Variants in KDR observed in about 807,000 individuals in gnomAD.
KDR encodes vascular endothelial growth factor receptor 2.
A neutral mutation model predicts 160.9 loss-of-function variants in KDR; 43 were observed. The ratio of observed to expected loss-of-function variants is 0.27; its 90% CI spans 0.21 to 0.34. The LOEUF is 0.34. Ranked by LOEUF, KDR falls within the 10% of genes least tolerant of loss-of-function variation. The pLI, the probability that KDR is intolerant of heterozygous loss-of-function variation, is 1.00. For missense variants in KDR, 1,469 were observed against 1,666.4 expected (o/e 0.88, Z 2.06); for synonymous variants, 617 against 600.1 (o/e 1.03, Z -0.41).
chr4:55,081,665 AC>A (rs758267334), intron 29 of KDR, among the ~76,000 whole-genome samples: 1 of 152,146 alleles, frequency 6.6e-6, no homozygotes, highest in Non-Finnish European at 1.5e-5. Flanking sequence ...ACATCCAATC[AC>A]CTTTTTCATT....
chr4:55,106,181 T>G (rs1720441952), intron 11 of KDR, among the ~76,000 whole-genome samples: 1 of 152,176 alleles, frequency 6.6e-6, no homozygotes, highest in Non-Finnish European at 1.5e-5. Context: ...TTGCATTGTA[T>G]ACTTACCAGT....
chr4:55,082,516 T>A lies in KDR; in HGVS notation c.3762+20A>T. On this transcript the variant is annotated intron_variant, in intron 28 of 29. Transcript: ENST00000263923. ...ATCCTTTGTATTATTTCTAAGACTATTTTTAAAAGACGTACTTACATCTGG... is the reference window on the plus strand; with the variant it reads ...ATCCTTTGTATTATTTCTAAGACTAATTTTAAAAGACGTACTTACATCTGG... 4 of 1,517,038 alleles carry A rather than the reference T, an allele frequency of 2.6e-6. No individual in the cohort carries two copies. The highest frequency in any genetic ancestry group is 3.7e-6 in the Non-Finnish European group (4 of 1,091,806). 94.0% of individuals were successfully genotyped at this position (1,517,038 alleles called of 1,614,324 possible). A position where few individuals can be genotyped will look rare whatever the true frequency, so the allele number is the denominator to read the frequency against.
At chr4:55,116,346 G>T (rs1398413976) in intron 3 of KDR, among the ~76,000 whole-genome samples, 4 of 151,570 alleles carry the variant, frequency 2.6e-5, no homozygotes, top group African/African-American at 9.7e-5. Flanking sequence ...TGAACCGGGG[G>T]GCAGAAGTTG....
At chr4:55,091,148 T>C (rs11940163) in intron 22 of KDR, among the ~76,000 whole-genome samples, 58,086 of 151,924 alleles carry the variant, frequency 0.38, 11,440 homozygotes, top group African/African-American at 0.49. Context: ...CCAACACACC[T>C]GGCCAAAAGG....
chr4:55,095,791 T>C (rs1221313412), intron 19 of KDR, 126 bp from the exon 20 acceptor site: 1 of 728,292 alleles, frequency 1.4e-6, no homozygotes, highest in Non-Finnish European at 2.5e-6. Flanking sequence ...GACAGGAGTG[T>C]AGAAATCAGC....
At chr4:55,119,139 G>A (rs1036151095) in intron 2 of KDR, among the ~76,000 whole-genome samples, 3 of 151,934 alleles carry the variant, frequency 2.0e-5, no homozygotes, top group African/African-American at 7.2e-5. Flanking sequence ...AACCCGGGAG[G>A]TGGAGGTTGC....
At chr4:55,105,774 T>C (rs1055714827) in intron 12 of KDR, 58 bp downstream of exon 12, 11 of 1,029,588 alleles carry the variant, frequency 1.1e-5, no homozygotes, top group African/African-American at 1.6e-5. Context: ...GGGAATTACA[T>C]AGCTTAGTAC....
At chr4:55,085,377 A>G (rs1227706194) in intron 27 of KDR, among the ~76,000 whole-genome samples, 1 of 152,226 alleles carries the variant, frequency 6.6e-6, no homozygotes, top group East Asian at 1.9e-4. Flanking sequence ...TCCCACAGTG[A>G]TATCTCTGTC....
chr4:55,114,017 A>G (rs1203066670), intron 6 of KDR, 109 bp downstream of exon 6: 5 of 1,109,880 alleles, frequency 4.5e-6, no homozygotes, highest in East Asian at 2.3e-5. Flanking sequence ...GTGTGTGTTT[A>G]AGGCTCTTAC....
intron 1 of KDR, among the ~76,000 whole-genome samples, chr4:55,123,579 C>A (rs1365876024): frequency 3.3e-5 from 5 of 152,212 alleles, no homozygotes; most frequent in Non-Finnish European, 5.9e-5. Context: ...ACTTCAAATT[C>A]ATATTTGTAG....
intron 15 of KDR, 118 bp downstream of exon 15, chr4:55,101,779 G>A (rs184626194): frequency 2.9e-5 from 25 of 858,066 alleles, no homozygotes; most frequent in Admixed American, 1.8e-4. Context: ...TTAGTTTGCT[G>A]AGGATAATGG....
chr4:55,099,280 A>G (rs1720251227), intron 15 of KDR, among the ~76,000 whole-genome samples: 1 of 152,176 alleles, frequency 6.6e-6, no homozygotes, highest in African/African-American at 2.4e-5. Flanking sequence ...TTGGCCTCCC[A>G]AAGTGCAGGG....
intron 1 of KDR, among the ~76,000 whole-genome samples, chr4:55,122,372 T>A (rs1551639): frequency 0.99 from 150,957 of 152,326 alleles, 74,809 homozygotes; most frequent in Middle Eastern, 1. Context: ...TTGGGCAGGC[T>A]CCCAAGCTTT....
intron 17 of KDR, 41 bp downstream of exon 17, chr4:55,098,096 T>C (rs927366072): frequency 1.9e-6 from 3 of 1,611,594 alleles, no homozygotes; most frequent in Non-Finnish European, 2.5e-6. Flanking sequence ...AGAGATGGCC[T>C]GGTAAACACA....
chr4:55,081,270 G>A (rs1475243628), intron 29 of KDR, among the ~76,000 whole-genome samples: 1 of 151,910 alleles, frequency 6.6e-6, no homozygotes, highest in Non-Finnish European at 1.5e-5. Flanking sequence ...ATTATAAGCA[G>A]ATCAAAACCT....
At chr4:55,096,648 C>A (rs1720164531) in intron 18 of KDR, 2 of 412,388 alleles carry the variant, frequency 4.8e-6, no homozygotes, top group Admixed American at 3.8e-5. Context: ...TTCTGCAAAA[C>A]TGGATTTTTG....
At chr4:55,098,094 C>T (rs1720206528) in intron 17 of KDR, 43 bp downstream of exon 17, 1 of 1,610,646 alleles carries the variant, frequency 6.2e-7, no homozygotes, top group Non-Finnish European at 8.5e-7. Flanking sequence ...GAAGAGATGG[C>T]CTGGTAAACA....
At chr4:55,089,121 AC>A (rs1578127954) in intron 25 of KDR, 148 bp from the exon 26 acceptor site, 1 of 731,352 alleles carries the variant, frequency 1.4e-6, no homozygotes, top group Non-Finnish European at 2.4e-6. Context: ...AGAGTCCCAT[AC>A]TCCAGAGGCT....
chr4:55,081,977 G>A lies in KDR; in HGVS notation c.3827C>T (p.Thr1276Ile), dbSNP rs1428115414. Residue 1276 changes from threonine (T) to isoleucine (I), a missense_variant, in exon 29 of 30, where the codon ACC becomes ATC. Physicochemically the swap from Thr to Ile is moderately conservative, Grantham distance 89. This residue lies in a region of KDR where 229 missense variants were observed against 197.8 expected (regional missense o/e 1.16). Coordinates refer to ENST00000263923, the MANE Select transcript of KDR (RefSeq NM_002253.4). ...TTACCCAAAAGATGGAGATAATTTG[G>A]TTCTGTCTTCCAAAGTTTTCAGCTC... ...SEELKTLEDR[T>I]KLSPSFGGMV... The A allele has an allele frequency of 2.5e-6, 4 of 1,612,956 alleles. No homozygotes were observed. In the South Asian group the frequency reaches 3.3e-5, roughly 13 times the overall value.
Sources: allele counts gnomAD v4.1 joint callset (sites outside exome capture counted in the v4.1 genomes callset), GRCh38; gene constraint gnomAD v4.1.1; regional missense constraint gnomAD v4.1.1; transcripts MANE v1.5; gene names NCBI Gene and HGNC (gene_info 2026-07-23, HGNC 2026-07-21).